GRIN2A: variants seen among roughly 807,000 people sequenced by gnomAD.
GRIN2A encodes glutamate receptor ionotropic, NMDA 2A.
GRIN2A carries 22 observed loss-of-function variants against 113.4 expected under a neutral mutation model. That is an observed-to-expected ratio of 0.19 (90% CI 0.14 to 0.28). GRIN2A has a LOEUF of 0.28. GRIN2A is among the 10% of genes least tolerant of loss of function. GRIN2A has a pLI of 1.00. For synonymous variants in GRIN2A, 827 were observed against 738.4 expected (o/e 1.12, Z -1.94); for missense variants, 1,502 against 1,887.0 (o/e 0.80, Z 3.78).
At chr16:9,929,538 A>G (rs2044541358) in intron 3 of GRIN2A, among the ~76,000 whole-genome samples, 1 of 152,180 alleles carries the variant, frequency 6.6e-6, no homozygotes, top group Non-Finnish European at 1.5e-5. Flanking sequence ...CTGTAATGCA[A>G]GTCACCACTT....
At chr16:9,818,623 A>T (rs1331714466) in intron 10 of GRIN2A, among the ~76,000 whole-genome samples, 2 of 152,188 alleles carry the variant, frequency 1.3e-5, no homozygotes, top group Non-Finnish European at 2.9e-5. Flanking sequence ...AAATATTAAT[A>T]AAAGTAAAAA....
At chr16:10,000,517 G>T (rs1280844197) in intron 2 of GRIN2A, among the ~76,000 whole-genome samples, 2 of 152,010 alleles carry the variant, frequency 1.3e-5, no homozygotes, top group Non-Finnish European at 2.9e-5. Context: ...GAAGTCCTAA[G>T]CAGTGAGTTA....
At chr16:10,102,586 G>A (rs2048421549) in intron 2 of GRIN2A, among the ~76,000 whole-genome samples, 1 of 150,574 alleles carries the variant, frequency 6.6e-6, no homozygotes, top group African/African-American at 2.5e-5. Context: ...TCACTCTATT[G>A]CCCAGGCTGT....
chr16:9,866,713 C>T (rs2043165693), intron 4 of GRIN2A, among the ~76,000 whole-genome samples: 2 of 152,298 alleles, frequency 1.3e-5, no homozygotes, highest in South Asian at 2.1e-4. Context: ...TAAACACATC[C>T]ATACTTGTCA....
chr16:9,936,090 A>G (rs963699831), intron 3 of GRIN2A, among the ~76,000 whole-genome samples: 2 of 152,212 alleles, frequency 1.3e-5, no homozygotes, highest in African/African-American at 4.8e-5. Context: ...CGTGCTAAAC[A>G]GTACTTTTCA....
intron 2 of GRIN2A, among the ~76,000 whole-genome samples, chr16:10,178,225 A>G (rs753366568): frequency 9.9e-5 from 15 of 152,110 alleles, no homozygotes; most frequent in Non-Finnish European, 8.8e-5. Flanking sequence ...GGCCCCTCCC[A>G]TACAAAAGCC....
rs1425270322 is a variant in GRIN2A at position 9,755,348 on chromosome 16, C to G, written c.*7801G>C. 3.7e-5 allele frequency: 7 copies of G among 186,794 alleles called. No homozygotes were observed. Among genetic ancestry groups the G allele is most frequent in the Non-Finnish European group, 7.9e-5 (7 of 88,490 alleles). The allele number at this position is 186,794 out of a possible 1,614,324, so 11.6% of individuals were successfully genotyped here. ...TGGAGTGCTCCATTTCTGCATAGCT[C>G]AACATTCCAAGGAGAACATGGTCAC... On this transcript the variant is annotated 3_prime_UTR_variant, in exon 13 of 13. Transcript: ENST00000330684.
At position 10,165,190 on chromosome 16, in the gene GRIN2A, GA is replaced by G. The variant is rs2049887212; in HGVS notation, c.414+14807del. Among the ~76,000 whole-genome samples the G allele has an allele frequency of 7.9e-5, 12 of 152,138 alleles. No individual in the cohort carries two copies. The South Asian group carries it at 2.5e-3, about 32-fold the overall frequency. On this transcript the variant is annotated intron_variant, in intron 2 of 12. Coordinates refer to ENST00000330684, the MANE Select transcript of GRIN2A (RefSeq NM_001134407.3). ...TCAAGTAAATCATGAGATATCCACAGAATAGAAAACATAGAAGATAAAAATG... is the reference window on the plus strand; with the variant it reads ...TCAAGTAAATCATGAGATATCCACAGATAGAAAACATAGAAGATAAAAATG...
At chr16:9,816,375 A>G (rs1215302995) in intron 10 of GRIN2A, among the ~76,000 whole-genome samples, 1 of 152,204 alleles carries the variant, frequency 6.6e-6, no homozygotes, top group East Asian at 1.9e-4. Context: ...GTTTTTTAAC[A>G]TTGTGCTGAG....
chr16:10,010,896 G>C (rs988171197), intron 2 of GRIN2A, among the ~76,000 whole-genome samples: 2 of 152,206 alleles, frequency 1.3e-5, no homozygotes, highest in African/African-American at 4.8e-5. Flanking sequence ...TATCCTGTGA[G>C]CATAGTCCTC....
In GRIN2A at chr16:10,076,779, A is replaced by G. The variant is rs559747321; in HGVS notation, c.414+103219T>C. 3.3e-5 allele frequency among the ~76,000 whole-genome samples: 5 copies of G among 152,348 alleles called. No homozygotes were observed. In the South Asian group the frequency reaches 1.0e-3, roughly 32 times the overall value. On this transcript the variant is annotated intron_variant, in intron 2 of 12. Transcript: ENST00000330684. Reference sequence around the variant, plus strand: ...ATCTGCAGCTACCTACACTTCTGAAAAGCCAGACTCAAACATCAAAGTCTC... The same window carrying G: ...ATCTGCAGCTACCTACACTTCTGAAGAGCCAGACTCAAACATCAAAGTCTC...
chr16:10,132,675 C>T (rs1003130826), intron 2 of GRIN2A, among the ~76,000 whole-genome samples: 2 of 152,176 alleles, frequency 1.3e-5, no homozygotes, highest in Non-Finnish European at 2.9e-5. Context: ...TTCATTGCCT[C>T]GGTTTCCACA....
chr16:10,068,128 C>T (rs1035861071), intron 2 of GRIN2A, among the ~76,000 whole-genome samples: 4 of 152,218 alleles, frequency 2.6e-5, no homozygotes, highest in Non-Finnish European at 5.9e-5. Flanking sequence ...TGGTCCTCTG[C>T]TTTCCCAAAG....
intron 2 of GRIN2A, among the ~76,000 whole-genome samples, chr16:10,013,537 C>T (rs3848330): frequency 1.6e-3 from 238 of 152,310 alleles, no homozygotes; most frequent in South Asian, 6.0e-3. Flanking sequence ...CACAGGACAG[C>T]CCTTCGTATG....
chr16:9,913,474 T>A (rs2044183713), intron 3 of GRIN2A, among the ~76,000 whole-genome samples: 1 of 152,206 alleles, frequency 6.6e-6, no homozygotes, highest in Admixed American at 6.5e-5. Context: ...AATAAGTAAT[T>A]GAAACAAGTT....
intron 2 of GRIN2A, among the ~76,000 whole-genome samples, chr16:9,972,124 C>T (rs2045684931): frequency 6.6e-6 from 1 of 152,190 alleles, no homozygotes; most frequent in Admixed American, 6.5e-5. Context: ...GCCCAAGCCT[C>T]TGGCCAGTCC....
intron 2 of GRIN2A, among the ~76,000 whole-genome samples, chr16:9,996,291 G>A (rs2141830861): frequency 6.6e-6 from 1 of 152,162 alleles, no homozygotes; most frequent in South Asian, 2.1e-4. Flanking sequence ...CCTTCCAGAG[G>A]GAGCAGACCT....
At chr16:10,084,876 A>T (rs1443523548) in intron 2 of GRIN2A, among the ~76,000 whole-genome samples, 1 of 152,206 alleles carries the variant, frequency 6.6e-6, no homozygotes, top group Non-Finnish European at 1.5e-5. Flanking sequence ...TACATAGTAG[A>T]CAACAGTCTA....
At chr16:10,133,334 A>G (rs2049107950) in intron 2 of GRIN2A, among the ~76,000 whole-genome samples, 1 of 152,230 alleles carries the variant, frequency 6.6e-6, no homozygotes, top group Non-Finnish European at 1.5e-5. Flanking sequence ...CAGACCAGGC[A>G]CAGTGACTCA....
Sources: gnomAD v4.1 joint callset for allele counts (sites outside exome capture counted in the v4.1 genomes callset) on GRCh38, gnomAD v4.1.1 for gene constraint, MANE v1.5 for transcripts, NCBI Gene and HGNC (gene_info 2026-07-23, HGNC 2026-07-21) for gene names.